MBD5: variants seen among roughly 807,000 people sequenced by gnomAD.
MBD5 encodes the protein methyl-CpG binding domain protein 5.
A neutral mutation model predicts 117.3 loss-of-function variants in MBD5; 13 were observed. The ratio of observed to expected loss-of-function variants is 0.11; its 90% CI spans 0.07 to 0.18. MBD5 has a LOEUF of 0.18. Ranked by LOEUF, MBD5 falls within the 10% of genes least tolerant of loss-of-function variation. The probability of loss-of-function intolerance (pLI) is 1.00; values close to 1 mark genes in which losing one functional copy is unlikely to be tolerated. For missense variants in MBD5, 1,879 were observed against 2,093.8 expected (o/e 0.90, Z 2.00); for synonymous variants, 727 against 766.4 (o/e 0.95, Z 0.85).
At chr2:148,310,858 C>T (rs754153363) in intron 3 of MBD5, among the ~76,000 whole-genome samples, 3 of 151,982 alleles carry the variant, frequency 2.0e-5, no homozygotes, top group Non-Finnish European at 2.9e-5. Context: ...TTTATTTTCA[C>T]TGGTTTCAAA....
In MBD5 at chr2:148,196,382, A is replaced by G. The variant is rs185250843; in HGVS notation, c.-831+17589A>G. On this transcript the variant is annotated intron_variant, in intron 2 of 13. Coordinates refer to ENST00000642680, the MANE Select transcript of MBD5 (RefSeq NM_001378120.1). ...AGCTATTTTAAAATATTTTTGTGCCACTACTAAAAAAAAATGGTTTCCTTT... is the reference window on the plus strand; with the variant it reads ...AGCTATTTTAAAATATTTTTGTGCCGCTACTAAAAAAAAATGGTTTCCTTT... 3.9e-5 allele frequency: 6 copies of G among 152,188 alleles called. No individual in the cohort carries two copies. The East Asian group carries it at 1.2e-3, about 29-fold the overall frequency. The allele number at this position is 152,188 out of a possible 1,614,324, so 9.4% of individuals were successfully genotyped here. A position where few individuals can be genotyped will look rare whatever the true frequency, so the allele number is the denominator to read the frequency against.
chr2:148,239,718 C>CACACACACACACACACACAT (rs1212562659), intron 3 of MBD5, among the ~76,000 whole-genome samples: 5 of 148,650 alleles, frequency 3.4e-5, no homozygotes, highest in Non-Finnish European at 7.5e-5. Flanking sequence ...CACACACACA[C>CACACACACACACACACACAT]ATATATTGAG....
chr2:148,355,828 T>C (rs1316491502), intron 4 of MBD5, among the ~76,000 whole-genome samples: 2 of 152,220 alleles, frequency 1.3e-5, no homozygotes, highest in Non-Finnish European at 2.9e-5. Context: ...AAGTCAATGG[T>C]AGCTTGGTGG....
intron 3 of MBD5, among the ~76,000 whole-genome samples, chr2:148,238,816 T>C (rs961155575): frequency 6.6e-6 from 1 of 152,128 alleles, no homozygotes; most frequent in South Asian, 2.1e-4. Flanking sequence ...TCTCCCTGTG[T>C]GTCTGTTTCT....
intron 3 of MBD5, among the ~76,000 whole-genome samples, chr2:148,239,302 T>C (rs1700160093): frequency 6.6e-6 from 1 of 152,134 alleles, no homozygotes. Flanking sequence ...TAGCTTTATT[T>C]GTTAAAATTT....
intron 8 of MBD5, chr2:148,472,077 T>G (rs1680815458): frequency 6.6e-6 from 1 of 152,106 alleles, no homozygotes; most frequent in South Asian, 2.1e-4. Flanking sequence ...GTGCAAAGTG[T>G]ATGTATTTCA....
chr2:148,251,876 G>A (rs1305830284), intron 3 of MBD5, among the ~76,000 whole-genome samples: 3 of 152,142 alleles, frequency 2.0e-5, no homozygotes, highest in Non-Finnish European at 2.9e-5. Flanking sequence ...TTGCTATCAC[G>A]AGTGAGATAT....
intron 1 of MBD5, among the ~76,000 whole-genome samples, chr2:148,151,656 T>C (rs1697671523): frequency 6.6e-6 from 1 of 152,124 alleles, no homozygotes; most frequent in Admixed American, 6.6e-5. Flanking sequence ...AACTTCTTCC[T>C]GGTTTAGTCT....
intron 2 of MBD5, among the ~76,000 whole-genome samples, chr2:148,211,730 G>T (rs1699426330): frequency 6.6e-6 from 1 of 151,992 alleles, no homozygotes; most frequent in Admixed American, 6.6e-5. Context: ...AAATGTGCAT[G>T]TTCACGAGAT....
intron 4 of MBD5, among the ~76,000 whole-genome samples, chr2:148,443,059 A>G (rs1706376532): frequency 6.6e-6 from 1 of 151,412 alleles, no homozygotes; most frequent in Non-Finnish European, 1.5e-5. Context: ...AAAAAATCTA[A>G]TAGTCTGATT....
At chr2:148,408,424 A>G (rs907574058) in intron 4 of MBD5, among the ~76,000 whole-genome samples, 2 of 152,220 alleles carry the variant, frequency 1.3e-5, no homozygotes, top group Admixed American at 1.3e-4. Flanking sequence ...CAATGTTAGC[A>G]TCAAGGTTGC....
chr2:148,248,554 G>A (rs1157199325), intron 3 of MBD5, among the ~76,000 whole-genome samples: 1 of 151,950 alleles, frequency 6.6e-6, no homozygotes, highest in South Asian at 2.1e-4. Context: ...AAAAACCAAG[G>A]CATCATGAAT....
chr2:148,363,271 C>A (rs927645349), intron 4 of MBD5, among the ~76,000 whole-genome samples: 1 of 152,104 alleles, frequency 6.6e-6, no homozygotes, highest in African/African-American at 2.4e-5. Context: ...CTCACTCTGT[C>A]ACCCAGGCTG....
intron 2 of MBD5, among the ~76,000 whole-genome samples, chr2:148,216,979 T>C (rs1699572369): frequency 6.6e-6 from 1 of 152,226 alleles, no homozygotes; most frequent in Non-Finnish European, 1.5e-5. Flanking sequence ...TTTTCCCTTC[T>C]GCATTTTAGG....
At chr2:148,322,759 G>A (rs899934082) in intron 3 of MBD5, among the ~76,000 whole-genome samples, 1 of 151,970 alleles carries the variant, frequency 6.6e-6, no homozygotes, top group Non-Finnish European at 1.5e-5. Context: ...CTAAAACTAA[G>A]TTTAGTGAGT....
chr2:148,334,090 A>G (rs1702727713), intron 3 of MBD5, among the ~76,000 whole-genome samples: 1 of 152,130 alleles, frequency 6.6e-6, no homozygotes, highest in African/African-American at 2.4e-5. Context: ...TAATTCTTAA[A>G]TAAATTTCTA....
At chr2:148,472,912 C>A (rs961238393) in intron 8 of MBD5, among the ~76,000 whole-genome samples, 5 of 152,146 alleles carry the variant, frequency 3.3e-5, no homozygotes, top group African/African-American at 4.8e-5. Flanking sequence ...AGATCAGGAG[C>A]CTGAGGCTAA....
intron 4 of MBD5, among the ~76,000 whole-genome samples, chr2:148,457,560 A>G (rs1459893867): frequency 6.6e-6 from 1 of 152,066 alleles, no homozygotes; most frequent in African/African-American, 2.4e-5. Flanking sequence ...TCCTCCTCAA[A>G]TAGCACCTCA....
chr2:148,324,008 T>C (rs945170176), intron 3 of MBD5, among the ~76,000 whole-genome samples: 33 of 152,220 alleles, frequency 2.2e-4, no homozygotes, highest in Non-Finnish European at 4.0e-4. Flanking sequence ...CCATCTTGAA[T>C]TGATTTTTGT....
Sources: gnomAD v4.1 joint callset for allele counts (sites outside exome capture counted in the v4.1 genomes callset) on GRCh38, gnomAD v4.1.1 for gene constraint, MANE v1.5 for transcripts, NCBI Gene and HGNC (gene_info 2026-07-23, HGNC 2026-07-21) for gene names.